Variants in RAI1 observed in about 807,000 individuals in gnomAD.
RAI1 encodes the protein retinoic acid-induced protein 1.
In RAI1, 9 loss-of-function variants were observed where a neutral mutation model predicts 123.8. The ratio of observed to expected loss-of-function variants is 0.07; its 90% CI spans 0.04 to 0.13. The LOEUF is 0.13. Ranked by LOEUF, RAI1 falls within the 10% of genes least tolerant of loss-of-function variation. The pLI is 1.00. For synonymous variants in RAI1, 1,231 were observed against 1,127.3 expected (o/e 1.09, Z -1.84); for missense variants, 2,256 against 2,545.8 (o/e 0.89, Z 2.45).
intron 2 of RAI1, among the ~76,000 whole-genome samples, chr17:17,781,675 C>A (rs919875064): frequency 6.6e-6 from 1 of 152,214 alleles, no homozygotes; most frequent in Non-Finnish European, 1.5e-5. Flanking sequence ...CCCCACTGTG[C>A]GCCCCTGGCA....
At position 17,810,165 on chromosome 17, in the gene RAI1, G is replaced by C. The variant is rs974525269; in HGVS notation, c.*184G>C. 3 of 883,834 alleles carry C rather than the reference G, an allele frequency of 3.4e-6. No individual in the cohort carries two copies. In the African/African-American group the frequency reaches 5.3e-5, roughly 16 times the overall value. The allele number at this position is 883,834 out of a possible 1,614,324, so 54.7% of individuals were successfully genotyped here. Reference sequence around the variant, plus strand: ...CTAGGGCTCAGACTTGCGGCCCCGGGTTGGGAGGAAAACCCGTTCCGGAGC... The same window carrying C: ...CTAGGGCTCAGACTTGCGGCCCCGGCTTGGGAGGAAAACCCGTTCCGGAGC... On this transcript the variant is annotated 3_prime_UTR_variant, in exon 6 of 6. Coordinates refer to ENST00000353383, the MANE Select transcript of RAI1 (RefSeq NM_030665.4). The surrounding 1 kb of genome is among the most constrained non-coding windows in gnomAD (Gnocchi z 4.6).
chr17:17,726,002 A>G (rs1360583636), intron 2 of RAI1, among the ~76,000 whole-genome samples: 1 of 152,132 alleles, frequency 6.6e-6, no homozygotes, highest in Non-Finnish European at 1.5e-5. Flanking sequence ...TAACAGTGTG[A>G]CACCGGCTGA....
Position 17,793,315 on chromosome 17 carries a change from G to C in RAI1, c.367G>C (p.Ala123Pro), listed in dbSNP as rs952492764. The C allele has an allele frequency of 4.3e-6, 7 of 1,612,284 alleles. No individual in the cohort carries two copies. In the East Asian group the frequency reaches 6.7e-5, roughly 15 times the overall value. ...AGEESLQAWG[A>P]PQPPPPQPQP... ...TGAGGAGAGCCTTCAGGCTTGGGGG[G>C]CCCCACAGCCACCACCCCCACAGCC... The change falls in exon 3 of 6, where the codon GCC becomes CCC. Residue 123 changes from alanine (A) to proline (P), a missense_variant. Ala to Pro is a conservative substitution (Grantham distance 27). Around this residue, in one of 7 missense-constraint regions of RAI1, gnomAD observed 336 missense variants for 349.8 expected, o/e 0.96. Coordinates refer to ENST00000353383, the MANE Select transcript of RAI1 (RefSeq NM_030665.4).
At chr17:17,791,031 G>A (rs1466467082) in intron 2 of RAI1, among the ~76,000 whole-genome samples, 1 of 152,258 alleles carries the variant, frequency 6.6e-6, no homozygotes, top group African/African-American at 2.4e-5. Context: ...GGGTGGGCAC[G>A]CTGCTTGTTA....
chr17:17,722,938 C>T (rs1915933812), intron 1 of RAI1, among the ~76,000 whole-genome samples: 1 of 152,334 alleles, frequency 6.6e-6, no homozygotes, highest in South Asian at 2.1e-4. Flanking sequence ...CGGTGCGATC[C>T]CCGACGCCAG....
Position 17,793,260 on chromosome 17 carries a change from C to T in RAI1, c.312C>T (p.Asp104=). 1 of 1,612,114 alleles carries T rather than the reference C, an allele frequency of 6.2e-7. No individual in the cohort carries two copies. The highest frequency in any genetic ancestry group is 1.1e-5 in the South Asian group (1 of 90,982). ...RPAFPGYGVQ[D]SSPYPGRYAG... is the part of the protein sequence containing the mutation. ...CTTTCCCTGGCTACGGCGTCCAGGA[C>T]AGCAGCCCCTACCCAGGCCGCTATG... Residue 104 remains aspartate (D), a synonymous_variant, in exon 3 of 6, where the codon GAC becomes GAT. Transcript: ENST00000353383.
intron 2 of RAI1, among the ~76,000 whole-genome samples, chr17:17,732,635 C>T (rs917353018): frequency 2.6e-5 from 4 of 152,220 alleles, no homozygotes. Context: ...ACACTCCTTT[C>T]ATCACCTGCC....
rs148309343 is a variant in RAI1 at position 17,794,604 on chromosome 17, C to T, written c.1656C>T (p.Ser552=). 1.8e-3 allele frequency: 2,984 copies of T among 1,613,212 alleles called. 5 individuals carry two copies. The highest frequency in any genetic ancestry group is 3.8e-3 in the Middle Eastern group (23 of 6,062). The change falls in exon 3 of 6, where the codon TCC becomes TCT. Residue 552 remains serine, a synonymous_variant. Coordinates refer to ENST00000353383, the MANE Select transcript of RAI1 (RefSeq NM_030665.4). ...GCAACTCGAAGGCCAAGCCCGAGTC[C>T]GTGTCCACCTGTTCTGTGACCTCTC... The part of the protein sequence containing the change: ...VNSNSKAKPE[S]VSTCSVTSPD...
intron 2 of RAI1, among the ~76,000 whole-genome samples, chr17:17,733,056 G>A (rs935195172): frequency 6.6e-6 from 1 of 152,158 alleles, no homozygotes; most frequent in African/African-American, 2.4e-5. Context: ...GGCACTATCG[G>A]CAGAGCTACC....
At chr17:17,781,547 G>C (rs1598076522) in intron 2 of RAI1, among the ~76,000 whole-genome samples, 1 of 152,116 alleles carries the variant, frequency 6.6e-6, no homozygotes, top group East Asian at 1.9e-4. Context: ...GGTAGTCTGA[G>C]CTGCTGGCCT....
chr17:17,780,420 C>A (rs911264055), intron 2 of RAI1, among the ~76,000 whole-genome samples: 6 of 152,110 alleles, frequency 3.9e-5, no homozygotes, highest in Non-Finnish European at 8.8e-5. Context: ...TCAGGGGGAA[C>A]CAGGACCTCC....
At chr17:17,763,635 G>A (rs1320320484) in intron 2 of RAI1, among the ~76,000 whole-genome samples, 1 of 152,178 alleles carries the variant, frequency 6.6e-6, no homozygotes, top group Non-Finnish European at 1.5e-5. Context: ...AAAAGAACCT[G>A]GTGCATTTGA....
chr17:17,712,171 A>G (rs549545207), intron 1 of RAI1, among the ~76,000 whole-genome samples: 2 of 152,388 alleles, frequency 1.3e-5, no homozygotes, highest in East Asian at 3.9e-4. Context: ...AAACAGCCCA[A>G]ATAGTCACTG....
At chr17:17,684,962 C>T (rs1287032592) in intron 1 of RAI1, 2 of 152,122 alleles carry the variant, frequency 1.3e-5, no homozygotes, top group African/African-American at 4.8e-5. Context: ...CAGTACAGAC[C>T]TCACGGTACT....
At chr17:17,763,567 T>A (rs2030795656) in intron 2 of RAI1, among the ~76,000 whole-genome samples, 1 of 152,216 alleles carries the variant, frequency 6.6e-6, no homozygotes, top group Non-Finnish European at 1.5e-5. Context: ...AAAAGCAGTC[T>A]GCCTGGAAGG....
chr17:17,718,592 T>G (rs1273927109), intron 1 of RAI1, among the ~76,000 whole-genome samples: 2 of 152,106 alleles, frequency 1.3e-5, no homozygotes, highest in Non-Finnish European at 2.9e-5. Flanking sequence ...GCCTGGAACA[T>G]GGTGGGTTCC....
chr17:17,722,183 G>A (rs1454653319), intron 1 of RAI1, among the ~76,000 whole-genome samples: 14 of 152,198 alleles, frequency 9.2e-5, no homozygotes, highest in Admixed American at 9.2e-4. Flanking sequence ...TGACACATCT[G>A]TGTGATCCCT....
chr17:17,701,816 G>A (rs1915233555), intron 1 of RAI1, among the ~76,000 whole-genome samples: 1 of 152,172 alleles, frequency 6.6e-6, no homozygotes, highest in African/African-American at 2.4e-5. Flanking sequence ...GCGTCTCAGA[G>A]ACCAAAGCCT....
At position 17,795,717 on chromosome 17, in the gene RAI1, G is replaced by A. The variant is rs1376478352; in HGVS notation, c.2769G>A (p.Glu923=). 3 of 1,613,408 alleles carry A rather than the reference G, an allele frequency of 1.9e-6. No individual in the cohort carries two copies. Among genetic ancestry groups the A allele is most frequent in the Admixed American group, 3.3e-5 (2 of 60,026 alleles). ...GWGSPCHLSG[E]SVILLGPTVG... is the part of the protein sequence containing the mutation. ...GCTCTCCGTGCCACCTCTCAGGGGAGTCCGTCATCCTGCTGGGCCCTACAG... is the reference window on the plus strand; with the variant it reads ...GCTCTCCGTGCCACCTCTCAGGGGAATCCGTCATCCTGCTGGGCCCTACAG... Residue 923 remains glutamate, a synonymous_variant, in exon 3 of 6, where the codon GAG becomes GAA. Transcript: ENST00000353383. This position sits in a 1 kb window ranked among gnomAD's most constrained non-coding sequence, Gnocchi z 5.9.
Sources: allele counts gnomAD v4.1 joint callset (sites outside exome capture counted in the v4.1 genomes callset), GRCh38; gene constraint gnomAD v4.1.1; regional missense constraint gnomAD v4.1.1; non-coding constraint Gnocchi (gnomAD v3.1); transcripts MANE v1.5; gene names NCBI Gene and HGNC (gene_info 2026-07-23, HGNC 2026-07-21).